SFRP5: variants seen among roughly 807,000 people sequenced by gnomAD.
SFRP5 encodes secreted frizzled related protein 5.
Under a neutral mutation model 27.0 loss-of-function variants are expected in SFRP5, and 22 were observed. The ratio of observed to expected loss-of-function variants is 0.82; its 90% CI spans 0.58 to 1.17. The LOEUF (loss-of-function observed/expected upper bound fraction) is 1.17. Ranked by LOEUF, SFRP5 falls within the 50% of genes most tolerant of loss-of-function variation. The pLI, the probability that SFRP5 is intolerant of heterozygous loss-of-function variation, is 0.00. For missense variants in SFRP5, 406 were observed against 436.6 expected (o/e 0.93, Z 0.63); for synonymous variants, 171 against 195.0 (o/e 0.88, Z 1.03).
At chr10:97,769,236 G>A (rs1046107451) in intron 2 of SFRP5, among the ~76,000 whole-genome samples, 3 of 152,208 alleles carry the variant, frequency 2.0e-5, no homozygotes, top group Non-Finnish European at 2.9e-5. Context: ...TCCGCTGGCA[G>A]GAGGTGTGCT....
rs543764298 is a variant in SFRP5, at chr10:97,769,776, G to A, written c.530-31C>T. ...GAGAGAAAGTGGGGTGGGGTTGGGG[G>A]ACAGTTGGTGAGGGGATTGGAGTTC... On this transcript the variant is annotated intron_variant, in intron 1 of 2. Coordinates refer to ENST00000266066, the MANE Select transcript of SFRP5 (RefSeq NM_003015.3). The A allele has an allele frequency of 2.6e-6, 4 of 1,543,178 alleles. No individual in the cohort carries two copies. In the Admixed American group the frequency reaches 5.1e-5, roughly 20 times the overall value.
In SFRP5 at chr10:97,771,546, C is replaced by T; in HGVS notation, c.288G>A (p.Leu96=). 1.2e-6 allele frequency: 2 copies of T among 1,611,168 alleles called. No individual in the cohort carries two copies. The highest frequency in any genetic ancestry group is 1.7e-4 in the Middle Eastern group (1 of 6,048). Residue 96 remains leucine (L), a synonymous_variant, in exon 1 of 3, where the codon CTG becomes CTA. Transcript: ENST00000266066. This position sits in a 1 kb window ranked among gnomAD's most constrained non-coding sequence, Gnocchi z 5.2. ...GCGTATCCGAGTGGCAGCGCTTGGCCAGCAGCGGCAGCCAGCTGCTCGCCT... is the reference window on the plus strand; with the variant it reads ...GCGTATCCGAGTGGCAGCGCTTGGCTAGCAGCGGCAGCCAGCTGCTCGCCT... ...KQQASSWLPL[L]AKRCHSDTQV...
intron 2 of SFRP5, among the ~76,000 whole-genome samples, chr10:97,768,134 C>A (rs1379482585): frequency 6.6e-6 from 1 of 152,076 alleles, no homozygotes; most frequent in African/African-American, 2.4e-5. Context: ...AGAGTCCAAG[C>A]CCTTCTGAGA....
In SFRP5 at chr10:97,767,764, A is replaced by G. The variant is rs2049493723; in HGVS notation, c.704T>C (p.Leu235Pro). The change falls in exon 3 of 3, where the codon CTG becomes CCG. Residue 235 changes from leucine to proline, a missense_variant. By Grantham distance (98) the Leu-to-Pro change is moderately conservative. Coordinates refer to ENST00000266066, the MANE Select transcript of SFRP5 (RefSeq NM_003015.3). ...KKKKLLKPGPLKRKDTKRLVL... is the reference protein window; with the variant it reads ...KKKKLLKPGPPKRKDTKRLVL... ...CAGCCGCTTGGTGTCCTTGCGCTTC[A>G]GGGGGCCCGGCTTGAGCAGCTTCTT... 6.3e-7 allele frequency: 1 copy of G among 1,597,248 alleles called. No individual in the cohort carries two copies. Among genetic ancestry groups the G allele is most frequent in the Non-Finnish European group, 8.5e-7 (1 of 1,171,552 alleles).
At chr10:97,768,272 T>G (rs1455162160) in intron 2 of SFRP5, among the ~76,000 whole-genome samples, 7 of 152,084 alleles carry the variant, frequency 4.6e-5, no homozygotes, top group Non-Finnish European at 8.8e-5. Context: ...GAAGCTGGAC[T>G]TCCTGATCTC....
chr10:97,770,411 G>C (rs982493795), intron 1 of SFRP5, among the ~76,000 whole-genome samples: 1 of 152,174 alleles, frequency 6.6e-6, no homozygotes, highest in East Asian at 1.9e-4. Flanking sequence ...GGCCCAGAGC[G>C]GTTACTCAAG....
At chr10:97,768,523 TACAC>T (rs930720911) in intron 2 of SFRP5, among the ~76,000 whole-genome samples, 2 of 152,138 alleles carry the variant, frequency 1.3e-5, no homozygotes, top group African/African-American at 4.8e-5. Flanking sequence ...TGGGAATAGA[TACAC>T]ACAGTTCAGC....
rs1211175585 is a variant in SFRP5, at chr10:97,771,067, G to C, written c.529+238C>G. Among the ~76,000 whole-genome samples the C allele has an allele frequency of 1.3e-5, 2 of 152,128 alleles. No homozygotes were observed. The highest frequency in any genetic ancestry group is 2.9e-5 in the Non-Finnish European group (2 of 68,020). On this transcript the variant is annotated intron_variant, in intron 1 of 2. Coordinates refer to ENST00000266066, the MANE Select transcript of SFRP5 (RefSeq NM_003015.3). This position sits in a 1 kb window ranked among gnomAD's most constrained non-coding sequence, Gnocchi z 5.2. ...GGGGTGCCAGGGGTTTCCAGGGAACGAGAGCCAGAGGGAAGGTCTGGAGCC... is the reference window on the plus strand; with the variant it reads ...GGGGTGCCAGGGGTTTCCAGGGAACCAGAGCCAGAGGGAAGGTCTGGAGCC...
In SFRP5 at chr10:97,767,508, T is replaced by C; in HGVS notation, c.*6A>G. ...GCACAGCTGGCAGGGCAAGGAGGAGTGCCCTTCAGTGGGGCTCTGCCGCCC... is the reference window on the plus strand; with the variant it reads ...GCACAGCTGGCAGGGCAAGGAGGAGCGCCCTTCAGTGGGGCTCTGCCGCCC... On this transcript the variant is annotated 3_prime_UTR_variant, in exon 3 of 3. Transcript: ENST00000266066. 6.3e-7 allele frequency: 1 copy of C among 1,582,590 alleles called. No individual in the cohort carries two copies. The highest frequency in any genetic ancestry group is 8.6e-7 in the Non-Finnish European group (1 of 1,162,710).
In SFRP5 at chr10:97,767,593, T is replaced by C; in HGVS notation, c.875A>G (p.Lys292Arg). Reference sequence around the variant, plus strand: ...GGAGAACATGAATTTGACTGCAAACTTCATCTCCTTATTCTTCTTGTCCCA... The same window carrying C: ...GGAGAACATGAATTTGACTGCAAACCTCATCTCCTTATTCTTCTTGTCCCA... The part of the protein sequence containing the change: ...YRWDKKNKEM[K>R]FAVKFMFSYP... Residue 292 changes from lysine (K) to arginine (R), a missense_variant, in exon 3 of 3, where the codon AAG (lysine) becomes AGG (arginine). By Grantham distance (26) the Lys-to-Arg change is conservative. Coordinates refer to ENST00000266066, the MANE Select transcript of SFRP5 (RefSeq NM_003015.3). 6.2e-7 allele frequency: 1 copy of C among 1,613,552 alleles called. No individual in the cohort carries two copies. Among genetic ancestry groups the C allele is most frequent in the Non-Finnish European group, 8.5e-7 (1 of 1,180,024 alleles).
In SFRP5 at chr10:97,771,823, G is replaced by A; in HGVS notation, c.11C>T (p.Ala4Val). 1.7e-6 allele frequency: 2 copies of A among 1,185,886 alleles called. No homozygotes were observed. The highest frequency in any genetic ancestry group is 3.8e-5 in the East Asian group (1 of 26,158). 73.5% of individuals were successfully genotyped at this position (1,185,886 alleles called of 1,614,324 possible). A position where few individuals can be genotyped will look rare whatever the true frequency, so the allele number is the denominator to read the frequency against. ...CGTCCGCACGCCCCCCCCCGCCGCC[G>A]CCGCCCGCATGGCTGCGCCCTCTCC... MRA[A>V]AAGGGVRTAA... Residue 4 changes from alanine to valine, a missense_variant, in exon 1 of 3, where the codon GCG (alanine) becomes GTG (valine). Transcript: ENST00000266066. This position sits in a 1 kb window ranked among gnomAD's most constrained non-coding sequence, Gnocchi z 5.2.
In SFRP5 at chr10:97,767,698, TG is replaced by T; in HGVS notation, c.769del (p.Gln257SerfsTer35). 1 of 1,614,074 alleles carries T rather than the reference TG, an allele frequency of 6.2e-7. No homozygotes were observed. The highest frequency in any genetic ancestry group is 1.1e-5 in the South Asian group (1 of 91,072). On this transcript the variant is annotated frameshift_variant, in exon 3 of 3. Transcript: ENST00000266066. LOFTEE classifies it high-confidence loss of function. ...MKNGAGCPCP[Q>X]LDSLAGSFLV... ...GAAGCTGCCCGCCAGGCTGTCCAGCTGTGGGCAGGGGCAGCCCGCGCCATTC... is the reference window on the plus strand; with the variant it reads ...GAAGCTGCCCGCCAGGCTGTCCAGCTTGGGCAGGGGCAGCCCGCGCCATTC...
Position 97,771,927 on chromosome 10 carries a change from T to G in SFRP5, c.-94A>C. ...CGGCGTGCGCCCCCGGCCCTGACTC[T>G]ACCCAGCCGCCGCCGCCGCCGCCGC... On this transcript the variant is annotated 5_prime_UTR_variant, in exon 1 of 3. Coordinates refer to ENST00000266066, the MANE Select transcript of SFRP5 (RefSeq NM_003015.3). This position sits in a 1 kb window ranked among gnomAD's most constrained non-coding sequence, Gnocchi z 5.2. 12 of 848,374 alleles carry G rather than the reference T, an allele frequency of 1.4e-5. No homozygotes were observed. Among genetic ancestry groups the G allele is most frequent in the African/African-American group, 6.0e-5 (3 of 50,160 alleles). 52.6% of individuals were successfully genotyped at this position (848,374 alleles called of 1,614,324 possible).
In SFRP5 at chr10:97,771,816, C is replaced by G. The variant is rs1177022116; in HGVS notation, c.18G>C (p.Ala6=). The change falls in exon 1 of 3, where the codon GCG becomes GCC. Residue 6 remains alanine, a synonymous_variant. Coordinates refer to ENST00000266066, the MANE Select transcript of SFRP5 (RefSeq NM_003015.3). The surrounding 1 kb of genome is among the most constrained non-coding windows in gnomAD (Gnocchi z 5.2). ...GCGCGGCCGTCCGCACGCCCCCCCC[C>G]GCCGCCGCCGCCCGCATGGCTGCGC... MRAAA[A]GGGVRTAALA... 1.1e-5 allele frequency: 13 copies of G among 1,186,492 alleles called. No individual in the cohort carries two copies. In the Admixed American group the frequency reaches 2.8e-4, roughly 25 times the overall value. 73.5% of individuals were successfully genotyped at this position (1,186,492 alleles called of 1,614,324 possible).
chr10:97,771,927 T>A lies in SFRP5; in HGVS notation c.-94A>T. The A allele has an allele frequency of 1.2e-6, 1 of 848,398 alleles. No individual in the cohort carries two copies. The highest frequency in any genetic ancestry group is 1.4e-6 in the Non-Finnish European group (1 of 706,574). 52.6% of individuals were successfully genotyped at this position (848,398 alleles called of 1,614,324 possible). A position where few individuals can be genotyped will look rare whatever the true frequency, so the allele number is the denominator to read the frequency against. ...CGGCGTGCGCCCCCGGCCCTGACTCTACCCAGCCGCCGCCGCCGCCGCCGC... is the reference window on the plus strand; with the variant it reads ...CGGCGTGCGCCCCCGGCCCTGACTCAACCCAGCCGCCGCCGCCGCCGCCGC... On this transcript the variant is annotated 5_prime_UTR_variant, in exon 1 of 3. Coordinates refer to ENST00000266066, the MANE Select transcript of SFRP5 (RefSeq NM_003015.3). This position sits in a 1 kb window ranked among gnomAD's most constrained non-coding sequence, Gnocchi z 5.2.
intron 2 of SFRP5, 50 bp from the exon 3 acceptor site, chr10:97,767,910 G>C: frequency 7.4e-7 from 1 of 1,360,042 alleles, no homozygotes; most frequent in Non-Finnish European, 1.0e-6. Context: ...GATCTGTGTG[G>C]GATGCTGGTG....
chr10:97,767,740 A>C lies in SFRP5; in HGVS notation c.728T>G (p.Leu243Arg). 2 of 1,609,740 alleles carry C rather than the reference A, an allele frequency of 1.2e-6. No homozygotes were observed. The highest frequency in any genetic ancestry group is 1.7e-6 in the Non-Finnish European group (2 of 1,177,678). ...CGCGCCATTCTTCATGTGCAGCACCAGCCGCTTGGTGTCCTTGCGCTTCAG... is the reference window on the plus strand; with the variant it reads ...CGCGCCATTCTTCATGTGCAGCACCCGCCGCTTGGTGTCCTTGCGCTTCAG... ...GPLKRKDTKR[L>R]VLHMKNGAGC... The change falls in exon 3 of 3, where the codon CTG (leucine) becomes CGG (arginine). Residue 243 changes from leucine (L) to arginine (R), a missense_variant. Physicochemically the swap from Leu to Arg is moderately radical, Grantham distance 102. Transcript: ENST00000266066.
At chr10:97,770,245 T>C (rs1306099056) in intron 1 of SFRP5, among the ~76,000 whole-genome samples, 2 of 152,208 alleles carry the variant, frequency 1.3e-5, no homozygotes, top group African/African-American at 4.8e-5. Flanking sequence ...AATTTTTGTA[T>C]TTTCAGTAGA....
chr10:97,771,774 C>T lies in SFRP5; in HGVS notation c.60G>A (p.Gly20=). The T allele has an allele frequency of 6.6e-7, 1 of 1,507,072 alleles. No homozygotes were observed. The highest frequency in any genetic ancestry group is 1.4e-5 in the African/African-American group (1 of 70,066). The allele number at this position is 1,507,072 out of a possible 1,614,324, so 93.4% of individuals were successfully genotyped here. A position where few individuals can be genotyped will look rare whatever the true frequency, so the allele number is the denominator to read the frequency against. The change falls in exon 1 of 3, where the codon GGG becomes GGA. Residue 20 remains glycine, a synonymous_variant. Transcript: ENST00000266066. This position sits in a 1 kb window ranked among gnomAD's most constrained non-coding sequence, Gnocchi z 5.2. ...VRTAALALLL[G]ALHWAPARCE... ...AGCGCGCCGGCGCCCAGTGCAGCGC[C>T]CCCAGCAGCAGCGCCAGCGCGGCCG...
Sources: allele counts gnomAD v4.1 joint callset (sites outside exome capture counted in the v4.1 genomes callset), GRCh38; gene constraint gnomAD v4.1.1; non-coding constraint Gnocchi (gnomAD v3.1); transcripts MANE v1.5; gene names NCBI Gene and HGNC (gene_info 2026-07-23, HGNC 2026-07-21).